Variants in AUTS2 observed in about 807,000 individuals in gnomAD.
AUTS2 encodes the protein activator of transcription and developmental regulator AUTS2.
Under a neutral mutation model 112.4 loss-of-function variants are expected in AUTS2, and 17 were observed. That is an observed-to-expected ratio of 0.15 (90% confidence interval 0.10 to 0.23). AUTS2 has a LOEUF of 0.23. Ranked by LOEUF, AUTS2 falls within the 10% of genes least tolerant of loss-of-function variation. The pLI is 1.00. For missense variants in AUTS2, 1,510 were observed against 1,701.6 expected (o/e 0.89, Z 1.98); for synonymous variants, 751 against 702.7 (o/e 1.07, Z -1.09).
chr7:70,210,691 G>A (rs1319433845), intron 4 of AUTS2, among the ~76,000 whole-genome samples: 1 of 152,160 alleles, frequency 6.6e-6, no homozygotes. Context: ...GCAAGTGGTA[G>A]AAGAAAGAAG....
At chr7:70,662,369 A>G (rs1807121193) in intron 5 of AUTS2, among the ~76,000 whole-genome samples, 1 of 152,164 alleles carries the variant, frequency 6.6e-6, no homozygotes, top group South Asian at 2.1e-4. Flanking sequence ...AGAGGCAGAA[A>G]TGTCTTAAGG....
intron 4 of AUTS2, among the ~76,000 whole-genome samples, chr7:70,388,516 T>C (rs1315155799): frequency 6.6e-6 from 1 of 152,246 alleles, no homozygotes; most frequent in East Asian, 1.9e-4. Flanking sequence ...CACACTATTA[T>C]TATTTTCAGT....
intron 5 of AUTS2, among the ~76,000 whole-genome samples, chr7:70,651,195 A>G (rs1171663959): frequency 6.6e-6 from 1 of 152,226 alleles, no homozygotes; most frequent in East Asian, 1.9e-4. Flanking sequence ...TCCGCTATAT[A>G]GATAAGGATC....
chr7:70,698,573 C>T lies in AUTS2; in HGVS notation c.695C>T (p.Ser232Leu), dbSNP rs1405051066. Reference protein sequence around the residue: ...DSDSDQEEKASDASSEKLFNT... With the variant: ...DSDSDQEEKALDASSEKLFNT... ...TTCCCCCTTCTTGTTTTTCAGGCAT[C>T]AGATGCCAGCTCTGAAAAACTCTTC... Residue 232 changes from serine (S) to leucine (L), a missense_variant, in exon 6 of 19, where the codon TCA (serine) becomes TTA (leucine). Ser to Leu is a moderately radical substitution (Grantham distance 145). Coordinates refer to ENST00000342771, the MANE Select transcript of AUTS2 (RefSeq NM_015570.4). 1 of 1,605,840 alleles carries T rather than the reference C, an allele frequency of 6.2e-7. No homozygotes were observed. Among genetic ancestry groups the T allele is most frequent in the East Asian group, 2.2e-5 (1 of 44,680 alleles).
At chr7:69,877,302 C>T (rs2129536990) in intron 1 of AUTS2, among the ~76,000 whole-genome samples, 1 of 152,232 alleles carries the variant, frequency 6.6e-6, no homozygotes, top group Admixed American at 6.5e-5. Context: ...TAGTCTAAAC[C>T]AAAAGTCTTC....
intron 4 of AUTS2, 105 bp downstream of exon 4, chr7:70,134,676 C>A: frequency 9.2e-7 from 1 of 1,090,962 alleles, no homozygotes; most frequent in Non-Finnish European, 1.4e-6. Flanking sequence ...ATTTCTCTCT[C>A]AGTCCTAAAG....
At chr7:70,506,429 T>G (rs1798964627) in intron 5 of AUTS2, among the ~76,000 whole-genome samples, 1 of 152,154 alleles carries the variant, frequency 6.6e-6, no homozygotes, top group Non-Finnish European at 1.5e-5. Context: ...TGCCTCATAG[T>G]TTAGCTTTTA....
chr7:70,785,478 T>C (rs1460048525), intron 16 of AUTS2: 1 of 469,356 alleles, frequency 2.1e-6, no homozygotes, highest in Non-Finnish European at 4.2e-6. Context: ...TAAAGGTGCA[T>C]GCTTTGTGTG....
intron 5 of AUTS2, among the ~76,000 whole-genome samples, chr7:70,696,879 T>C (rs79303739): frequency 0.023 from 3,452 of 151,924 alleles, 139 homozygotes; most frequent in African/African-American, 0.078. Flanking sequence ...GGCTTTTTTT[T>C]CCCCTTCTAT....
At chr7:70,624,285 C>A (rs922960825) in intron 5 of AUTS2, among the ~76,000 whole-genome samples, 1 of 152,142 alleles carries the variant, frequency 6.6e-6, no homozygotes, top group Non-Finnish European at 1.5e-5. Context: ...TGATGTGACC[C>A]ACTGTTTTAC....
chr7:70,186,216 T>G (rs1809596958), intron 4 of AUTS2, among the ~76,000 whole-genome samples: 1 of 152,162 alleles, frequency 6.6e-6, no homozygotes, highest in Non-Finnish European at 1.5e-5. Context: ...GTCTTTGTGT[T>G]TTAAAACAAG....
At chr7:70,119,023 C>G (rs1048405515) in intron 3 of AUTS2, 2 of 144,868 alleles carry the variant, frequency 1.4e-5, no homozygotes, top group African/African-American at 5.2e-5. Flanking sequence ...TGGAGTCTCA[C>G]TCTGTCGCCA....
intron 5 of AUTS2, among the ~76,000 whole-genome samples, chr7:70,644,529 A>T (rs1806045565): frequency 6.6e-6 from 1 of 152,072 alleles, no homozygotes; most frequent in Non-Finnish European, 1.5e-5. Flanking sequence ...ATCGTCTCGC[A>T]CCCAGACTGA....
chr7:70,393,917 G>A (rs1231494194), intron 4 of AUTS2, among the ~76,000 whole-genome samples: 1 of 152,134 alleles, frequency 6.6e-6, no homozygotes, highest in Non-Finnish European at 1.5e-5. Context: ...GCAGCATGAA[G>A]CATTTTCTTC....
At chr7:70,322,496 A>C (rs1200519823) in intron 4 of AUTS2, among the ~76,000 whole-genome samples, 2 of 152,170 alleles carry the variant, frequency 1.3e-5, no homozygotes, top group African/African-American at 2.4e-5. Flanking sequence ...AAAGGTGATC[A>C]CTTACCTGTT....
At chr7:70,442,688 A>G (rs1021340729) in intron 5 of AUTS2, among the ~76,000 whole-genome samples, 39 of 152,080 alleles carry the variant, frequency 2.6e-4, no homozygotes, top group African/African-American at 9.4e-4. Context: ...GGGTTTCACC[A>G]TGTTGGCCAG....
At chr7:70,090,356 C>T (rs1466373670) in intron 2 of AUTS2, among the ~76,000 whole-genome samples, 4 of 151,846 alleles carry the variant, frequency 2.6e-5, no homozygotes, top group Non-Finnish European at 4.4e-5. Context: ...AAGAAACTTA[C>T]ATAATATAAA....
chr7:69,858,721 G>C (rs1439246725), intron 1 of AUTS2, among the ~76,000 whole-genome samples: 3 of 152,152 alleles, frequency 2.0e-5, no homozygotes, highest in African/African-American at 7.2e-5. Context: ...AGGAGTGAAA[G>C]TACTAAAGAA....
intron 18 of AUTS2, among the ~76,000 whole-genome samples, chr7:70,787,660 C>CAGTT (rs1271625163): frequency 6.6e-6 from 1 of 152,186 alleles, no homozygotes; most frequent in African/African-American, 2.4e-5. Context: ...GTCTCAGTCG[C>CAGTT]AGTTATACAT....
Sources: gnomAD v4.1 joint callset for allele counts (sites outside exome capture counted in the v4.1 genomes callset) on GRCh38, gnomAD v4.1.1 for gene constraint, MANE v1.5 for transcripts, NCBI Gene and HGNC (gene_info 2026-07-23, HGNC 2026-07-21) for gene names.